The following CSF1 variants were observed in gnomAD, a reference collection of about 807,000 sequenced individuals.
CSF1 encodes the protein colony stimulating factor 1, also known as macrophage colony-stimulating factor 1.
A neutral mutation model predicts 48.9 loss-of-function variants in CSF1; 9 were observed. The ratio of observed to expected loss-of-function variants is 0.18; its 90% CI spans 0.11 to 0.32. The LOEUF (loss-of-function observed/expected upper bound fraction) is 0.32, where lower values mean the gene tolerates loss of function less well. Among genes scored for constraint, CSF1 ranks in the 10% least tolerant of loss-of-function variants. The pLI is 1.00. For missense variants in CSF1, 672 were observed against 697.9 expected, an observed-to-expected ratio of 0.96 and a Z score of 0.42; for synonymous variants, 305 against 284.1, an observed-to-expected ratio of 1.07 and a Z score of -0.74.
intron 1 of CSF1, among the ~76,000 whole-genome samples, chr1:109,913,408 G>A (rs1379084149): frequency 1.3e-5 from 2 of 152,214 alleles, no homozygotes; most frequent in Non-Finnish European, 2.9e-5. Flanking sequence ...TAGGGATGAG[G>A]AGACCCCAGT....
intron 8 of CSF1, among the ~76,000 whole-genome samples, chr1:109,927,989 T>C (rs552666156): frequency 2.0e-5 from 3 of 152,324 alleles, no homozygotes; most frequent in East Asian, 1.9e-4. Context: ...TCTTTCCCTC[T>C]AGAGCATGGG....
At chr1:109,916,733 G>A (rs539723465) in intron 3 of CSF1, among the ~76,000 whole-genome samples, 4 of 152,166 alleles carry the variant, frequency 2.6e-5, no homozygotes, top group Non-Finnish European at 5.9e-5. Flanking sequence ...GCACTCACTC[G>A]CTTGCTCTAG....
intron 6 of CSF1, 30 bp from the exon 7 acceptor site, chr1:109,924,746 C>T: frequency 6.4e-7 from 1 of 1,563,292 alleles, no homozygotes; most frequent in South Asian, 1.2e-5. Flanking sequence ...TCCCCCAGCT[C>T]CTCAGTGAGA....
intron 1 of CSF1, 85 bp from the exon 2 acceptor site, chr1:109,914,174 G>A: frequency 2.1e-6 from 3 of 1,412,620 alleles, no homozygotes; most frequent in East Asian, 2.5e-5. Context: ...TAGATATGAG[G>A]CCTTTGTTTT....
intron 3 of CSF1, 62 bp downstream of exon 3, chr1:109,915,758 G>A: frequency 7.3e-7 from 1 of 1,370,228 alleles, no homozygotes; most frequent in South Asian, 1.2e-5. Flanking sequence ...AGGGTGGGGT[G>A]TGTGGGGGAG....
chr1:109,924,332 T>A, intron 6 of CSF1, 142 bp downstream of exon 6: 1 of 708,620 alleles, frequency 1.4e-6, no homozygotes, highest in African/African-American at 1.8e-5. Flanking sequence ...GCACAGAGGA[T>A]GAGAGGTGGA....
chr1:109,922,161 A>T (rs149650587), intron 5 of CSF1, among the ~76,000 whole-genome samples, 167 bp downstream of exon 5: 1 of 152,230 alleles, frequency 6.6e-6, no homozygotes, highest in East Asian at 1.9e-4. Context: ...GGCTTCACGT[A>T]CCTCTGGTCC....
chr1:109,911,027 A>G lies in CSF1; in HGVS notation c.4A>G (p.Thr2Ala). The G allele has an allele frequency of 8.6e-7, 1 of 1,157,228 alleles. No homozygotes were observed. The highest frequency in any genetic ancestry group is 1.1e-6 in the Non-Finnish European group (1 of 940,688). 71.7% of individuals were successfully genotyped at this position (1,157,228 alleles called of 1,614,324 possible). A position where few individuals can be genotyped will look rare whatever the true frequency, so the allele number is the denominator to read the frequency against. The change falls in exon 1 of 9, where the codon ACC becomes GCC. Residue 2 changes from threonine to alanine, a missense_variant. Thr to Ala is a moderately conservative substitution (Grantham distance 58). Around this residue, in one of 3 missense-constraint regions of CSF1, gnomAD observed 53 missense variants for 45.5 expected, o/e 1.17. Transcript: ENST00000329608. ...CGGCCGGGACCCAGCTGCCCGTATG[A>G]CCGCGCCGGGCGCCGCCGGGCGCTG... is the stretch of plus-strand genomic sequence containing the variant. M[T>A]APGAAGRCPP...
chr1:109,922,127 T>A (rs1647583858), intron 5 of CSF1, 133 bp downstream of exon 5: 3 of 1,077,856 alleles, frequency 2.8e-6, no homozygotes, highest in Non-Finnish European at 4.0e-6. Flanking sequence ...TGTGCATGAA[T>A]GTGCTTGTTC....
At chr1:109,914,452 G>T in intron 2 of CSF1, 71 bp downstream of exon 2, 4 of 1,495,682 alleles carry the variant, frequency 2.7e-6, no homozygotes, top group Non-Finnish European at 3.6e-6. Context: ...CAGGGAGCAG[G>T]TCAAAGAGAG....
At chr1:109,926,103 T>C (rs1201505825) in intron 8 of CSF1, 1 of 152,244 alleles carries the variant, frequency 6.6e-6, no homozygotes, top group African/African-American at 2.4e-5. Context: ...TCAATGTCCC[T>C]CTGAAAATGT....
In CSF1 at chr1:109,924,813, A is replaced by G. The variant is rs781063470; in HGVS notation, c.1607A>G (p.Glu536Gly). 19 of 1,604,784 alleles carry G rather than the reference A, an allele frequency of 1.2e-5. No homozygotes were observed. The highest frequency in any genetic ancestry group is 1.4e-5 in the Non-Finnish European group (16 of 1,175,670). ...QEPQRADSPL[E>G]QPEGSPLTQD... is the part of the protein sequence containing the mutation. ...CCTCAGAGAGCGGATTCTCCCTTGGAGCAACCAGAGGGCAGGTGAGAGCTT... is the reference window on the plus strand; with the variant it reads ...CCTCAGAGAGCGGATTCTCCCTTGGGGCAACCAGAGGGCAGGTGAGAGCTT... The change falls in exon 7 of 9, where the codon GAG (glutamate) becomes GGG (glycine). Residue 536 changes from glutamate to glycine, a missense_variant. By Grantham distance (98) the Glu-to-Gly change is moderately conservative. Around this residue, in one of 3 missense-constraint regions of CSF1, gnomAD observed 591 missense variants for 593.6 expected, o/e 1.00. Transcript: ENST00000329608.
At chr1:109,927,304 AAACCAGGGG>A (rs1416363662) in intron 8 of CSF1, among the ~76,000 whole-genome samples, 1 of 152,218 alleles carries the variant, frequency 6.6e-6, no homozygotes, top group Admixed American at 6.5e-5. Context: ...CAAATGCTCA[AAACCAGGGG>A]AACCTATTTA....
At chr1:109,925,015 G>A in intron 7 of CSF1, 132 bp from the exon 8 acceptor site, 1 of 1,070,478 alleles carries the variant, frequency 9.3e-7, no homozygotes, top group African/African-American at 1.6e-5. Flanking sequence ...TCTCCGTAGA[G>A]TTAGACAGTT....
chr1:109,915,468 G>A (rs1654859229), intron 2 of CSF1, among the ~76,000 whole-genome samples, 166 bp from the exon 3 acceptor site: 1 of 152,172 alleles, frequency 6.6e-6, no homozygotes, highest in Admixed American at 6.5e-5. Context: ...CATCTGGAAG[G>A]CACTGATCTT....
intron 8 of CSF1, 48 bp downstream of exon 8, chr1:109,925,250 T>C (rs1235853592): frequency 6.5e-7 from 1 of 1,528,238 alleles, no homozygotes; most frequent in African/African-American, 1.4e-5. Context: ...CCTATACCCT[T>C]TTCCAGTCAC....
Position 109,910,993 on chromosome 1 carries a change from C to T in CSF1, c.-31C>T. 1 of 1,164,052 alleles carries T rather than the reference C, an allele frequency of 8.6e-7. No homozygotes were observed. The highest frequency in any genetic ancestry group is 1.1e-6 in the Non-Finnish European group (1 of 946,168). The allele number at this position is 1,164,052 out of a possible 1,614,324, so 72.1% of individuals were successfully genotyped here. On this transcript the variant is annotated 5_prime_UTR_variant, in exon 1 of 9. Coordinates refer to ENST00000329608, the MANE Select transcript of CSF1 (RefSeq NM_000757.6). ...GAGCGAGCGAGCGAGCGAGGGCGGC[C>T]GACGCGCCCGGCCGGGACCCAGCTG...
At chr1:109,915,269 A>T (rs1654848725) in intron 2 of CSF1, among the ~76,000 whole-genome samples, 1 of 152,196 alleles carries the variant, frequency 6.6e-6, no homozygotes, top group Non-Finnish European at 1.5e-5. Flanking sequence ...CAGGTGTTCA[A>T]TCCCCAGAGC....
chr1:109,927,625 T>C (rs1647900013), intron 8 of CSF1, among the ~76,000 whole-genome samples: 1 of 151,848 alleles, frequency 6.6e-6, no homozygotes, highest in Non-Finnish European at 1.5e-5. Flanking sequence ...AAGATTTCAC[T>C]TGGAGAGGGA....
Sources: allele counts gnomAD v4.1 joint callset (sites outside exome capture counted in the v4.1 genomes callset), GRCh38; gene constraint gnomAD v4.1.1; regional missense constraint gnomAD v4.1.1; transcripts MANE v1.5; gene names NCBI Gene and HGNC (gene_info 2026-07-23, HGNC 2026-07-21).